AKAP19: variants seen among roughly 807,000 people sequenced by gnomAD.
The protein encoded by AKAP19 is A-kinase anchoring protein 19.
the AKAP19 span, among the ~76,000 whole-genome samples, chr2:190,125,106 G>T: frequency 6.6e-6 from 1 of 152,088 alleles, no homozygotes; most frequent in East Asian, 1.9e-4. Context: ...TACAATTAAC[G>T]TCTTTTTTTT....
At chr2:190,093,208 A>G in the AKAP19 span, among the ~76,000 whole-genome samples, 1 of 152,110 alleles carries the variant, frequency 6.6e-6, no homozygotes, top group African/African-American at 2.4e-5. Flanking sequence ...GGATCACCTG[A>G]GGTCAGGAGT....
At chr2:189,950,365 A>G in the AKAP19 span, among the ~76,000 whole-genome samples, 12 of 125,758 alleles carry the variant, frequency 9.5e-5, no homozygotes, top group African/African-American at 3.2e-4. Context: ...TTTTAAGGTT[A>G]GGTAATGAAC....
the AKAP19 span, among the ~76,000 whole-genome samples, chr2:189,909,728 A>C: frequency 6.6e-6 from 1 of 151,966 alleles, no homozygotes; most frequent in African/African-American, 2.4e-5. Context: ...AGTTACTTTC[A>C]ATATTTTTGT....
chr2:189,924,828 G>A, the AKAP19 span, among the ~76,000 whole-genome samples: 2 of 152,014 alleles, frequency 1.3e-5, no homozygotes, highest in African/African-American at 4.8e-5. Flanking sequence ...TGAACAGCCT[G>A]ATGTTTGGGA....
chr2:189,889,544 A>C, the AKAP19 span, among the ~76,000 whole-genome samples: 8 of 152,244 alleles, frequency 5.3e-5, no homozygotes, highest in East Asian at 1.3e-3. Flanking sequence ...TTCGGCTGTG[A>C]ATCTGTCTGG....
chr2:190,070,619 C>G, the AKAP19 span, among the ~76,000 whole-genome samples: 7 of 139,102 alleles, frequency 5.0e-5, no homozygotes, highest in Admixed American at 1.4e-4. Flanking sequence ...CTCTCTCCCC[C>G]CCCCCTTTTT....
At chr2:189,971,256 A>G in the AKAP19 span, among the ~76,000 whole-genome samples, 3 of 152,114 alleles carry the variant, frequency 2.0e-5, no homozygotes, top group Admixed American at 1.3e-4. Context: ...TCCTTGCGAT[A>G]GTTTGCTGAG....
the AKAP19 span, among the ~76,000 whole-genome samples, chr2:190,033,520 T>C: frequency 6.6e-6 from 1 of 152,226 alleles, no homozygotes; most frequent in Admixed American, 6.5e-5. Flanking sequence ...ACCAGGGTTA[T>C]GGGCATAACT....
chr2:190,078,173 A>C, the AKAP19 span, among the ~76,000 whole-genome samples: 2 of 152,158 alleles, frequency 1.3e-5, no homozygotes, highest in Non-Finnish European at 1.5e-5. Context: ...TTGACTTAGC[A>C]AGATGGCTTT....
the AKAP19 span, among the ~76,000 whole-genome samples, chr2:190,016,794 TA>T: frequency 5.9e-5 from 9 of 152,228 alleles, no homozygotes; most frequent in South Asian, 2.1e-4. Flanking sequence ...ATATGTCTGT[TA>T]GGTTTATTTG....
the AKAP19 span, among the ~76,000 whole-genome samples, chr2:190,155,511 G>A: frequency 3.9e-5 from 6 of 152,328 alleles, no homozygotes; most frequent in Non-Finnish European, 8.8e-5. Context: ...GACTAGAAGA[G>A]GGTAAGGTCC....
At chr2:190,068,463 G>A in the AKAP19 span, among the ~76,000 whole-genome samples, 1 of 152,128 alleles carries the variant, frequency 6.6e-6, no homozygotes, top group Non-Finnish European at 1.5e-5. Context: ...CTGAGTAGCT[G>A]GGATTACAGG....
the AKAP19 span, among the ~76,000 whole-genome samples, chr2:189,935,173 A>G: frequency 6.6e-6 from 1 of 152,072 alleles, no homozygotes; most frequent in Non-Finnish European, 1.5e-5. Context: ...TTATTAAAGT[A>G]TGAAATACAG....
the AKAP19 span, among the ~76,000 whole-genome samples, chr2:190,096,928 C>G: frequency 6.6e-6 from 1 of 152,144 alleles, no homozygotes; most frequent in Non-Finnish European, 1.5e-5. Context: ...GGGCAGAGCC[C>G]TTGTGGTTCA....
the AKAP19 span, among the ~76,000 whole-genome samples, chr2:189,996,203 G>C: frequency 6.6e-6 from 1 of 152,220 alleles, no homozygotes; most frequent in Non-Finnish European, 1.5e-5. Flanking sequence ...CAAACATTTA[G>C]ATTCCTCTTC....
At chr2:190,044,482 C>G in the AKAP19 span, among the ~76,000 whole-genome samples, 2 of 152,118 alleles carry the variant, frequency 1.3e-5, no homozygotes, top group Non-Finnish European at 2.9e-5. Context: ...GTCTTTGCTC[C>G]TTCGTTAGTC....
chr2:190,202,300 C>T, the AKAP19 span: 2 of 167,140 alleles, frequency 1.2e-5, no homozygotes, highest in Admixed American at 1.3e-4. Flanking sequence ...TACAATATTT[C>T]TGAAACACTT....
At chr2:190,046,986 G>A in the AKAP19 span, among the ~76,000 whole-genome samples, 8 of 152,010 alleles carry the variant, frequency 5.3e-5, no homozygotes, top group Non-Finnish European at 1.0e-4. Context: ...GAAAAAAAGG[G>A]CAACACACCT....
At chr2:189,940,148 G>A in the AKAP19 span, among the ~76,000 whole-genome samples, 1 of 152,014 alleles carries the variant, frequency 6.6e-6, no homozygotes, top group African/African-American at 2.4e-5. Context: ...GTGTGGTGGT[G>A]GGCCCCTGTA....
Sources: allele counts gnomAD v4.1 joint callset (sites outside exome capture counted in the v4.1 genomes callset), GRCh38; gene constraint gnomAD v4.1.1; transcripts MANE v1.5; gene names NCBI Gene and HGNC (gene_info 2026-07-23, HGNC 2026-07-21).